Variants in NT5DC2 observed in about 807,000 individuals in gnomAD.
NT5DC2 encodes 5'-nucleotidase domain-containing protein 2.
Under a neutral mutation model 70.0 loss-of-function variants are expected in NT5DC2, and 41 were observed. That is an observed-to-expected ratio of 0.59 (90% CI 0.46 to 0.76). The LOEUF is 0.76. NT5DC2 is among the 30% of genes least tolerant of loss of function. NT5DC2 has a pLI of 0.00. For missense variants in NT5DC2, 705 were observed against 783.2 expected, an observed-to-expected ratio of 0.90 and a Z score of 1.19; for synonymous variants, 299 against 310.4, an observed-to-expected ratio of 0.96 and a Z score of 0.39.
Position 52,533,584 on chromosome 3 carries a change from C to CGGGCGCG in NT5DC2, c.147_153dup (p.Ala52ArgfsTer54). On this transcript the variant is annotated frameshift_variant, in exon 1 of 14. Transcript: ENST00000422318. LOFTEE classifies it high-confidence loss of function. ...TCGGCGCCGCTGGTGGGTGCCTGGGCGGGCGCGGAGCGCGGGACGCCGGGG... is the reference window on the plus strand; with the variant it reads ...TCGGCGCCGCTGGTGGGTGCCTGGGCGGGCGCGGGGCGCGGAGCGCGGGACGCCGGGG... 7.7e-7 allele frequency: 1 copy of CGGGCGCG among 1,295,706 alleles called. No homozygotes were observed. Among genetic ancestry groups the CGGGCGCG allele is most frequent in the Non-Finnish European group, 9.8e-7 (1 of 1,022,388 alleles). The allele number at this position is 1,295,706 out of a possible 1,614,324, so 80.3% of individuals were successfully genotyped here.
chr3:52,529,953 G>C lies in NT5DC2; in HGVS notation c.233-619C>G, dbSNP rs2079337797. 6.5e-6 allele frequency: 1 copy of C among 154,260 alleles called. No individual in the cohort carries two copies. The highest frequency in any genetic ancestry group is 2.4e-5 in the African/African-American group (1 of 41,466). 9.6% of individuals were successfully genotyped at this position (154,260 alleles called of 1,614,324 possible). A position where few individuals can be genotyped will look rare whatever the true frequency, so the allele number is the denominator to read the frequency against. ...CTGTATGGCCAGACTAGGGGGTTGA[G>C]GCCATGGATGCTGACTTTTCTACCT... On this transcript the variant is annotated intron_variant, in intron 1 of 13. Coordinates refer to ENST00000422318, the MANE Select transcript of NT5DC2 (RefSeq NM_001134231.2). The surrounding 1 kb of genome is among the most constrained non-coding windows in gnomAD (Gnocchi z 4.1).
chr3:52,532,600 T>C (rs2079375903), intron 1 of NT5DC2: 1 of 731,250 alleles, frequency 1.4e-6, no homozygotes, highest in Non-Finnish European at 1.7e-6. Context: ...CCCCTGGGGG[T>C]TCCTCCGGAA....
intron 10 of NT5DC2, chr3:52,526,151 T>TTCTC (rs2079265455): frequency 6.6e-6 from 1 of 152,310 alleles, no homozygotes; most frequent in African/African-American, 2.4e-5. Flanking sequence ...AGTCATGTGT[T>TTCTC]TCTCACAAAG....
At position 52,527,631 on chromosome 3, in the gene NT5DC2, G is replaced by C. The variant is rs938761109; in HGVS notation, c.1023C>G (p.Phe341Leu). 6.2e-7 allele frequency: 1 copy of C among 1,613,052 alleles called. No individual in the cohort carries two copies. The highest frequency in any genetic ancestry group is 1.3e-5 in the African/African-American group (1 of 75,052). ...CATGCCCATACTTGCGCCGGTCAGTGAAGAAGCTGGGCTTGTCTGCCTGGA... is the reference window on the plus strand; with the variant it reads ...CATGCCCATACTTGCGCCGGTCAGTCAAGAAGCTGGGCTTGTCTGCCTGGA... ...VIVQADKPSFFTDRRKPFRKL... is the reference protein window; with the variant it reads ...VIVQADKPSFLTDRRKPFRKL... The change falls in exon 9 of 14, where the codon TTC becomes TTG. Residue 341 changes from phenylalanine (F) to leucine (L), a missense_variant. Physicochemically the swap from Phe to Leu is conservative, Grantham distance 22. Transcript: ENST00000422318.
At chr3:52,533,989 G>A, upstream of NT5DC2, 1 of 330,478 alleles carries the variant, frequency 3.0e-6, no homozygotes, top group Non-Finnish European at 4.3e-6. Flanking sequence ...AGTCTCCGGC[G>A]CGGTCCGGGA....
rs368776187 is a variant in NT5DC2 at position 52,529,321 on chromosome 3, G to A, written c.246C>T (p.Pro82=). The A allele has an allele frequency of 4.4e-5, 71 of 1,613,404 alleles. No homozygotes were observed. The East Asian group carries it at 4.9e-4, about 11-fold the overall frequency. Residue 82 remains proline (P), a synonymous_variant, in exon 2 of 14, where the codon CCC becomes CCT. Transcript: ENST00000422318. The surrounding 1 kb of genome is among the most constrained non-coding windows in gnomAD (Gnocchi z 4.1). ...MRRLVHDLLP[P]EVCSLLNPAA... ...CTGGGTTCAGGAGACTGCAGACCTC[G>A]GGGGGCAGGAGGTCTAGAGGAAGGA...
At position 52,529,441 on chromosome 3, in the gene NT5DC2, C is replaced by G. The variant is rs2079330657; in HGVS notation, c.233-107G>C. 1 of 1,029,192 alleles carries G rather than the reference C, an allele frequency of 9.7e-7. No individual in the cohort carries two copies. Among genetic ancestry groups the G allele is most frequent in the South Asian group, 1.5e-5 (1 of 67,660 alleles). 63.8% of individuals were successfully genotyped at this position (1,029,192 alleles called of 1,614,324 possible). A position where few individuals can be genotyped will look rare whatever the true frequency, so the allele number is the denominator to read the frequency against. On this transcript the variant is annotated intron_variant, in intron 1 of 13. Transcript: ENST00000422318. This position sits in a 1 kb window ranked among gnomAD's most constrained non-coding sequence, Gnocchi z 4.1. ...CCTAGCCCTGTGAGCCTCAGAAACG[C>G]CCCACAATGGCACCTCTTATTCCAG...
At chr3:52,534,694 C>G (rs1315547390), upstream of NT5DC2, 1 of 1,574,460 alleles carries the variant, frequency 6.4e-7, no homozygotes, top group Admixed American at 1.7e-5. Flanking sequence ...GCACGCATAC[C>G]AGGCTGTGCT....
chr3:52,526,580 C>G (rs2079277733), intron 10 of NT5DC2: 1 of 152,304 alleles, frequency 6.6e-6, no homozygotes, highest in East Asian at 1.9e-4. Flanking sequence ...GTGAGCTGCC[C>G]CCAACCAGAC....
chr3:52,529,019 C>T lies in NT5DC2; in HGVS notation c.418-84G>A, dbSNP rs2153238590. On this transcript the variant is annotated intron_variant, in intron 2 of 13. Coordinates refer to ENST00000422318, the MANE Select transcript of NT5DC2 (RefSeq NM_001134231.2). This position sits in a 1 kb window ranked among gnomAD's most constrained non-coding sequence, Gnocchi z 4.1. Reference sequence around the variant, plus strand: ...TGGCCACCCCAGGGGGTCAATCCAGCCACCTGCCCAGGGCAGCTGCCAGGC... The same window carrying T: ...TGGCCACCCCAGGGGGTCAATCCAGTCACCTGCCCAGGGCAGCTGCCAGGC... The T allele has an allele frequency of 4.4e-6, 7 of 1,586,862 alleles. No individual in the cohort carries two copies. The highest frequency in any genetic ancestry group is 6.1e-6 in the Non-Finnish European group (7 of 1,156,642).
Position 52,529,276 on chromosome 3 carries a change from G to C in NT5DC2, c.291C>G (p.Asn97Lys). 1.2e-6 allele frequency: 2 copies of C among 1,613,944 alleles called. No homozygotes were observed. Among genetic ancestry groups the C allele is most frequent in the Non-Finnish European group, 1.7e-6 (2 of 1,179,980 alleles). The change falls in exon 2 of 14, where the codon AAC (asparagine) becomes AAG (lysine). Residue 97 changes from asparagine to lysine, a missense_variant. Coordinates refer to ENST00000422318, the MANE Select transcript of NT5DC2 (RefSeq NM_001134231.2). The surrounding 1 kb of genome is among the most constrained non-coding windows in gnomAD (Gnocchi z 4.1). ...LLNPAAIYAN[N>K]EISLRDVEVY... ...CCTCAACGTCACGCAGGCTGATCTC[G>C]TTGTTGGCGTAGATGGCTGCTGGGT...
At chr3:52,524,762 G>A (rs1391493038) in intron 13 of NT5DC2, 31 bp from the exon 14 acceptor site, 2 of 1,612,602 alleles carry the variant, frequency 1.2e-6, no homozygotes, top group African/African-American at 2.7e-5. Flanking sequence ...CGCTCAAGGG[G>A]TGGGCCTGGG....
rs1338898580 is a variant in NT5DC2 at position 52,527,727 on chromosome 3, AG to A, written c.936-10del. The A allele has an allele frequency of 6.2e-7, 1 of 1,613,042 alleles. No individual in the cohort carries two copies. Among genetic ancestry groups the A allele is most frequent in the Non-Finnish European group, 8.5e-7 (1 of 1,179,920 alleles). ...GCCGCATCCCCTTGTCTCTGTGTGG[AG>A]GAGTTTCAGGTGGCAAGTAGTCTGA... On this transcript the variant is annotated splice_polypyrimidine_tract_variant and intron_variant, in intron 8 of 13. Transcript: ENST00000422318.
At chr3:52,526,162 G>A (rs1018677980) in intron 10 of NT5DC2, 1 of 152,362 alleles carries the variant, frequency 6.6e-6, no homozygotes, top group Non-Finnish European at 1.5e-5. Context: ...TCTCACAAAG[G>A]TGTATGACCC....
intron 1 of NT5DC2, among the ~76,000 whole-genome samples, chr3:52,533,258 G>C (rs1442784876): frequency 2.6e-5 from 4 of 152,132 alleles, no homozygotes; most frequent in Non-Finnish European, 4.4e-5. Flanking sequence ...GCCGCTCGAG[G>C]AGCCCCGAGC....
Position 52,533,545 on chromosome 3 carries a change from GGTGCGCGCT to G in NT5DC2, c.184_192del (p.Ser62_His64del). ...CGCATGTCCTGGTAGCGAGCCCATA[GGTGCGCGCT>G]GAGGTCGGCGCCGCTGGTGGGTGCC... On this transcript the variant is annotated inframe_deletion, in exon 1 of 14. Coordinates refer to ENST00000422318, the MANE Select transcript of NT5DC2 (RefSeq NM_001134231.2). 7.1e-7 allele frequency: 1 copy of G among 1,398,948 alleles called. No individual in the cohort carries two copies. The highest frequency in any genetic ancestry group is 9.3e-7 in the Non-Finnish European group (1 of 1,074,932). 86.7% of individuals were successfully genotyped at this position (1,398,948 alleles called of 1,614,324 possible). A position where few individuals can be genotyped will look rare whatever the true frequency, so the allele number is the denominator to read the frequency against.
At chr3:52,525,515 G>C (rs1428233062) in intron 10 of NT5DC2, 2 of 575,708 alleles carry the variant, frequency 3.5e-6, no homozygotes, top group Non-Finnish European at 6.3e-6. Flanking sequence ...GGCCTGGCAT[G>C]GTGCCCATGC....
rs374706346 is a variant in NT5DC2 at position 52,524,441 on chromosome 3, A to G, written c.*29T>C. 2.0e-5 allele frequency: 33 copies of G among 1,611,990 alleles called. No homozygotes were observed. In the African/African-American group the frequency reaches 4.0e-4, roughly 20 times the overall value. On this transcript the variant is annotated 3_prime_UTR_variant, in exon 14 of 14. Transcript: ENST00000422318. ...TGGGTGGATGGGGCAGGAGGGGCTG[A>G]GGGCCTGTCCCAGACAATAAAGGTG...
In NT5DC2 at chr3:52,533,511, A is replaced by T; in HGVS notation, c.227T>A (p.Val76Glu). ...WARYQDMRRLVHDLLPPEVCS... is the reference protein window; with the variant it reads ...WARYQDMRRLEHDLLPPEVCS... ...TCCCGCCCCGGCTCACCCACCGTGCACCAGTCTCCGCATGTCCTGGTAGCG... is the reference window on the plus strand; with the variant it reads ...TCCCGCCCCGGCTCACCCACCGTGCTCCAGTCTCCGCATGTCCTGGTAGCG... The change falls in exon 1 of 14, where the codon GTG becomes GAG. Residue 76 changes from valine to glutamate, a missense_variant. Val to Glu is a moderately radical substitution (Grantham distance 121). Transcript: ENST00000422318. 1 of 1,491,808 alleles carries T rather than the reference A, an allele frequency of 6.7e-7. No individual in the cohort carries two copies. The allele number at this position is 1,491,808 out of a possible 1,614,324, so 92.4% of individuals were successfully genotyped here. A position where few individuals can be genotyped will look rare whatever the true frequency, so the allele number is the denominator to read the frequency against.
Sources: allele counts gnomAD v4.1 joint callset (sites outside exome capture counted in the v4.1 genomes callset), GRCh38; gene constraint gnomAD v4.1.1; non-coding constraint Gnocchi (gnomAD v3.1); transcripts MANE v1.5; gene names NCBI Gene and HGNC (gene_info 2026-07-23, HGNC 2026-07-21).